The following GAS7 variants were observed in gnomAD, a reference collection of about 807,000 sequenced individuals.
GAS7 encodes growth arrest specific 7, also known as growth arrest-specific protein 7.
GAS7 carries 28 observed loss-of-function variants against 71.1 expected under a neutral mutation model. The observed-to-expected ratio is 0.39, with a 90% CI of 0.29 to 0.54. The LOEUF is 0.54. Ranked by LOEUF, GAS7 falls within the 20% of genes least tolerant of loss-of-function variation. The pLI is 0.62. For synonymous variants in GAS7, 258 were observed against 245.8 expected (o/e 1.05, Z -0.46); for missense variants, 436 against 627.8 (o/e 0.69, Z 3.27).
intron 3 of GAS7, among the ~76,000 whole-genome samples, chr17:9,978,502 T>TAAG (rs974642557): frequency 6.6e-6 from 1 of 150,428 alleles, no homozygotes; most frequent in Non-Finnish European, 1.5e-5. Context: ...AAAATAATAA[T>TAAG]AAGAAGAAGA....
At chr17:9,997,260 G>A (rs376192423) in intron 2 of GAS7, among the ~76,000 whole-genome samples, 21 of 148,490 alleles carry the variant, frequency 1.4e-4, no homozygotes, top group South Asian at 8.7e-4. Flanking sequence ...GGGCGGGGGC[G>A]GTGGAAACAG....
intron 8 of GAS7, among the ~76,000 whole-genome samples, 157 bp from the exon 9 acceptor site, chr17:9,934,401 C>T (rs1004606345): frequency 6.6e-6 from 1 of 152,158 alleles, no homozygotes; most frequent in African/African-American, 2.4e-5. Context: ...ATGAGCATCA[C>T]GTTTCAACTC....
chr17:10,047,830 G>A (rs1180243523), intron 1 of GAS7, among the ~76,000 whole-genome samples: 2 of 152,136 alleles, frequency 1.3e-5, no homozygotes, highest in Admixed American at 6.5e-5. Context: ...GGGGCTAACA[G>A]GAAAAGTGTC....
At chr17:9,954,068 G>T (rs2069127212) in intron 5 of GAS7, among the ~76,000 whole-genome samples, 2 of 152,168 alleles carry the variant, frequency 1.3e-5, no homozygotes, top group Admixed American at 1.3e-4. Context: ...GGTAATAATA[G>T]TAGGGCCCAG....
intron 1 of GAS7, among the ~76,000 whole-genome samples, chr17:10,094,239 A>G (rs2073618081): frequency 6.6e-6 from 1 of 152,216 alleles, no homozygotes; most frequent in African/African-American, 2.4e-5. Flanking sequence ...CCTGTGTGGT[A>G]CCCACTTACT....
intron 1 of GAS7, among the ~76,000 whole-genome samples, chr17:10,162,189 G>A (rs1255563921): frequency 2.6e-5 from 4 of 151,820 alleles, no homozygotes; most frequent in African/African-American, 9.7e-5. Context: ...TAAACTGAAA[G>A]CAGTGACTTG....
intron 6 of GAS7, among the ~76,000 whole-genome samples, chr17:9,943,771 G>A (rs1452647270): frequency 6.6e-6 from 1 of 152,200 alleles, no homozygotes; most frequent in Non-Finnish European, 1.5e-5. Context: ...AAAGTGGGTT[G>A]AAGGGAGGCC....
intron 5 of GAS7, among the ~76,000 whole-genome samples, chr17:9,948,436 G>C (rs2068874875): frequency 6.6e-6 from 1 of 152,218 alleles, no homozygotes; most frequent in Non-Finnish European, 1.5e-5. Flanking sequence ...TGTAATCCCA[G>C]CACTTTGGGA....
intron 1 of GAS7, among the ~76,000 whole-genome samples, chr17:10,110,230 A>G (rs1432510388): frequency 6.6e-6 from 1 of 152,132 alleles, no homozygotes; most frequent in African/African-American, 2.4e-5. Context: ...AAAGAAAGAA[A>G]TCATGTCATT....
In GAS7 at chr17:10,085,440, T is replaced by C. The variant is rs1337493306; in HGVS notation, c.184-65543A>G. 2.0e-5 allele frequency among the ~76,000 whole-genome samples: 3 copies of C among 152,044 alleles called. No homozygotes were observed. In the East Asian group the frequency reaches 5.8e-4, roughly 29 times the overall value. ...GGCTCACGCCTGTAATCCCAGCACT[T>C]TGGGAGGCCGAGGCGGGCGGATCAC... On this transcript the variant is annotated intron_variant, in intron 1 of 13. Transcript: ENST00000432992.
intron 1 of GAS7, among the ~76,000 whole-genome samples, chr17:10,118,657 T>C (rs183600903): frequency 3.6e-5 from 5 of 139,686 alleles, no homozygotes; most frequent in Non-Finnish European, 6.0e-5. Flanking sequence ...TGAGCTGAGA[T>C]TGCGCCATTG....
chr17:10,073,014 T>C (rs3852804), intron 1 of GAS7, among the ~76,000 whole-genome samples: 72,464 of 151,860 alleles, frequency 0.48, 17,711 homozygotes, highest in African/African-American at 0.56. Context: ...GGTGGCACGA[T>C]GGAAATAGAA....
chr17:10,087,832 C>T (rs572543336), intron 1 of GAS7, among the ~76,000 whole-genome samples: 1 of 152,176 alleles, frequency 6.6e-6, no homozygotes, highest in African/African-American at 2.4e-5. Context: ...AAACTGTCTA[C>T]AAAGTGGCAT....
intron 1 of GAS7, among the ~76,000 whole-genome samples, chr17:10,039,160 C>G (rs990213019): frequency 2.0e-5 from 3 of 151,576 alleles, no homozygotes; most frequent in African/African-American, 7.3e-5. Context: ...ATACTCAAAG[C>G]CACTGAACTA....
chr17:10,158,160 G>A (rs1357486962), intron 1 of GAS7, among the ~76,000 whole-genome samples: 3 of 151,910 alleles, frequency 2.0e-5, no homozygotes, highest in East Asian at 1.9e-4. Context: ...ACAGGCGTCC[G>A]CCACCACACC....
chr17:10,097,672 G>A (rs1350969257), intron 1 of GAS7, among the ~76,000 whole-genome samples: 1 of 152,168 alleles, frequency 6.6e-6, no homozygotes, highest in African/African-American at 2.4e-5. Flanking sequence ...GGAATCCGCA[G>A]GCAGGTATGG....
intron 1 of GAS7, among the ~76,000 whole-genome samples, chr17:10,081,926 C>T (rs961769577): frequency 6.6e-6 from 1 of 152,126 alleles, no homozygotes; most frequent in African/African-American, 2.4e-5. Flanking sequence ...CCAAGAAATA[C>T]CCAGGCCGGT....
intron 1 of GAS7, among the ~76,000 whole-genome samples, chr17:10,135,158 T>C (rs925309521): frequency 3.9e-5 from 6 of 152,078 alleles, no homozygotes; most frequent in Admixed American, 3.9e-4. Context: ...TACATGTAGA[T>C]TAAAGGGCAG....
At chr17:10,105,912 A>C (rs2142059573) in intron 1 of GAS7, among the ~76,000 whole-genome samples, 1 of 152,214 alleles carries the variant, frequency 6.6e-6, no homozygotes, top group Non-Finnish European at 1.5e-5. Context: ...AGTAAGTGTT[A>C]GTGGACTGCC....
Sources: allele counts gnomAD v4.1 joint callset (sites outside exome capture counted in the v4.1 genomes callset), GRCh38; gene constraint gnomAD v4.1.1; transcripts MANE v1.5; gene names NCBI Gene and HGNC (gene_info 2026-07-23, HGNC 2026-07-21).